Variants in DMRT1 observed in about 807,000 individuals in gnomAD.
The protein encoded by DMRT1 is doublesex- and mab-3-related transcription factor 1.
In DMRT1, 7 loss-of-function variants were observed where a neutral mutation model predicts 32.3. The ratio of observed to expected loss-of-function variants is 0.22; its 90% confidence interval spans 0.12 to 0.41. The LOEUF is 0.41. DMRT1 is among the 10% of genes least tolerant of loss of function. The pLI is 1.00. For missense variants in DMRT1, 625 were observed against 500.5 expected (o/e 1.25, Z -2.37); for synonymous variants, 278 against 206.1 (o/e 1.35, Z -2.99).
chr9:949,661 G>C (rs1436079712), intron 4 of DMRT1, among the ~76,000 whole-genome samples: 1 of 152,190 alleles, frequency 6.6e-6, no homozygotes, highest in African/African-American at 2.4e-5. Context: ...AAGCTGCACA[G>C]ATTTCTAGGA....
Position 860,791 on chromosome 9 carries a change from A to G in DMRT1, c.538+13648A>G, listed in dbSNP as rs1050024060. ...TAAGTCAGAGCTAGTCCCAAATGAC[A>G]GTGAGCCATTCTCATCAAGATCTGG... On this transcript the variant is annotated intron_variant, in intron 2 of 4. Transcript: ENST00000382276. Among the ~76,000 whole-genome samples, 5 of 152,230 alleles carry G rather than the reference A, an allele frequency of 3.3e-5. No homozygotes were observed. In the South Asian group the frequency reaches 6.2e-4, roughly 19 times the overall value.
At chr9:911,470 ATTT>A (rs201141931) in intron 3 of DMRT1, among the ~76,000 whole-genome samples, 149 of 66,702 alleles carry the variant, frequency 2.2e-3, no homozygotes, top group East Asian at 9.7e-3. Context: ...GGTTAATTGC[ATTT>A]TTTTTTTTTT....
chr9:954,946 T>C (rs971402085), intron 4 of DMRT1, among the ~76,000 whole-genome samples: 1 of 152,210 alleles, frequency 6.6e-6, no homozygotes, highest in Non-Finnish European at 1.5e-5. Flanking sequence ...GGCCGTTCGT[T>C]AGCTATTTAA....
intron 2 of DMRT1, among the ~76,000 whole-genome samples, chr9:861,465 C>A (rs1030572768): frequency 1.3e-5 from 2 of 152,200 alleles, no homozygotes; most frequent in African/African-American, 4.8e-5. Context: ...ATGTCTGCTT[C>A]TTTCTACACA....
At chr9:922,326 C>T (rs1182022847) in intron 4 of DMRT1, among the ~76,000 whole-genome samples, 1 of 152,118 alleles carries the variant, frequency 6.6e-6, no homozygotes, top group African/African-American at 2.4e-5. Context: ...TTGTCTAGTG[C>T]CCAGATGGAG....
chr9:883,733 C>T (rs763520168), intron 2 of DMRT1, among the ~76,000 whole-genome samples: 10 of 151,148 alleles, frequency 6.6e-5, no homozygotes, highest in Non-Finnish European at 1.0e-4. Context: ...TGGAGGCTGC[C>T]GTGAGCCATG....
At chr9:923,580 G>A (rs1053012174) in intron 4 of DMRT1, among the ~76,000 whole-genome samples, 7 of 152,076 alleles carry the variant, frequency 4.6e-5, no homozygotes, top group African/African-American at 1.4e-4. Flanking sequence ...TTTTTCCTGC[G>A]AGGGCTGTGT....
At chr9:912,277 C>G (rs897462942) in intron 3 of DMRT1, among the ~76,000 whole-genome samples, 1 of 152,206 alleles carries the variant, frequency 6.6e-6, no homozygotes, top group Middle Eastern at 3.2e-3. Context: ...CCTTCTTTGA[C>G]ACGTGGAGAT....
chr9:916,670 C>T lies in DMRT1; in HGVS notation c.823-93C>T, dbSNP rs975757511. 5 of 1,492,570 alleles carry T rather than the reference C, an allele frequency of 3.3e-6. No individual in the cohort carries two copies. The African/African-American group carries it at 5.5e-5, about 17-fold the overall frequency. The allele number at this position is 1,492,570 out of a possible 1,614,324, so 92.5% of individuals were successfully genotyped here. ...CATAGGCATGAGCCACTGTGCCCAG[C>T]CTGTTACCTTGTTTTAAAGAACTAG... is the stretch of plus-strand genomic sequence containing the variant. On this transcript the variant is annotated intron_variant, in intron 3 of 4. Transcript: ENST00000382276.
intron 2 of DMRT1, among the ~76,000 whole-genome samples, chr9:856,172 C>T (rs1038240235): frequency 7.9e-5 from 12 of 152,176 alleles, no homozygotes; most frequent in Non-Finnish European, 4.4e-5. Context: ...CCGCCTCGGC[C>T]TCCCAAAGTG....
chr9:849,603 G>A (rs372469243), intron 2 of DMRT1, among the ~76,000 whole-genome samples: 1 of 152,204 alleles, frequency 6.6e-6, no homozygotes, highest in East Asian at 1.9e-4. Flanking sequence ...GAAGCAGTAG[G>A]GGGGCAAGAT....
chr9:877,278 C>T (rs1816543827), intron 2 of DMRT1, among the ~76,000 whole-genome samples: 4 of 152,216 alleles, frequency 2.6e-5, no homozygotes, highest in Admixed American at 2.6e-4. Context: ...CCAGGATATA[C>T]ATACACTCTG....
rs1838702802 is a variant in DMRT1, at chr9:841,983, G to T, written c.145G>T (p.Gly49Cys). The T allele has an allele frequency of 2.0e-5, 32 of 1,575,366 alleles. No individual in the cohort carries two copies. Among genetic ancestry groups the T allele is most frequent in the Non-Finnish European group, 2.8e-5 (32 of 1,161,562 alleles). The change falls in exon 1 of 5, where the codon GGC becomes TGC. Residue 49 changes from glycine (G) to cysteine (C), a missense_variant. Transcript: ENST00000382276. ...VGAASGSSAG[G>C]SSRGGGSGSG... ...GGCGGCCAGCGGCTCGAGCGCCGGG[G>T]GCAGCAGCAGAGGAGGCGGCTCCGG...
At chr9:866,345 G>A (rs1218823369) in intron 2 of DMRT1, among the ~76,000 whole-genome samples, 1 of 151,956 alleles carries the variant, frequency 6.6e-6, no homozygotes, top group Non-Finnish European at 1.5e-5. Context: ...ACTGGCCTGC[G>A]GGTGGGACAA....
chr9:870,309 G>A (rs1816183051), intron 2 of DMRT1, among the ~76,000 whole-genome samples: 1 of 152,166 alleles, frequency 6.6e-6, no homozygotes, highest in African/African-American at 2.4e-5. Context: ...TGAGGCAAGA[G>A]AATCGCTTGA....
chr9:866,944 C>G (rs992133089), intron 2 of DMRT1, among the ~76,000 whole-genome samples: 11 of 152,038 alleles, frequency 7.2e-5, no homozygotes, highest in African/African-American at 2.7e-4. Flanking sequence ...GGGTTGTTAG[C>G]TTTGGGTGTG....
At chr9:864,499 CT>C (rs57418212) in intron 2 of DMRT1, among the ~76,000 whole-genome samples, 16,834 of 108,562 alleles carry the variant, frequency 0.16, 1,832 homozygotes, top group African/African-American at 0.35. Flanking sequence ...AGCCAGTACT[CT>C]TTTTTTTTTT....
At chr9:913,525 T>C (rs1818062632) in intron 3 of DMRT1, among the ~76,000 whole-genome samples, 1 of 152,104 alleles carries the variant, frequency 6.6e-6, no homozygotes, top group Non-Finnish European at 1.5e-5. Context: ...AGAATGAAAA[T>C]TAAAAATTGC....
At chr9:904,685 C>T (rs1817703055) in intron 3 of DMRT1, among the ~76,000 whole-genome samples, 1 of 152,214 alleles carries the variant, frequency 6.6e-6, no homozygotes, top group Admixed American at 6.5e-5. Context: ...TGGCTCACGC[C>T]TGTAATCCCA....
Sources: gnomAD v4.1 joint callset for allele counts (sites outside exome capture counted in the v4.1 genomes callset) on GRCh38, gnomAD v4.1.1 for gene constraint, MANE v1.5 for transcripts, NCBI Gene and HGNC (gene_info 2026-07-23, HGNC 2026-07-21) for gene names.